Variants in CNKSR3 observed in about 807,000 individuals in gnomAD.
The protein encoded by CNKSR3 is connector enhancer of kinase suppressor of ras 3.
A neutral mutation model predicts 67.7 loss-of-function variants in CNKSR3; 36 were observed. The ratio of observed to expected loss-of-function variants is 0.53; its 90% CI spans 0.41 to 0.70. The LOEUF is 0.70. CNKSR3 is among the 30% of genes least tolerant of loss of function. CNKSR3 has a pLI of 0.00. For synonymous variants in CNKSR3, 281 were observed against 271.4 expected (o/e 1.04, Z -0.35); for missense variants, 630 against 695.2 (o/e 0.91, Z 1.05).
At chr6:154,493,845 G>T (rs1346819172) in intron 1 of CNKSR3, among the ~76,000 whole-genome samples, 2 of 152,022 alleles carry the variant, frequency 1.3e-5, no homozygotes, top group African/African-American at 4.8e-5. Context: ...ACACCTGGGG[G>T]ACATCTGCCC....
At chr6:154,462,500 C>T (rs1786101332) in intron 1 of CNKSR3, among the ~76,000 whole-genome samples, 1 of 152,198 alleles carries the variant, frequency 6.6e-6, no homozygotes, top group South Asian at 2.1e-4. Flanking sequence ...AACTTCAATG[C>T]TCTTCCCTTG....
At chr6:154,499,976 T>C (rs559539869) in intron 1 of CNKSR3, among the ~76,000 whole-genome samples, 99 of 152,328 alleles carry the variant, frequency 6.5e-4, no homozygotes, top group African/African-American at 2.2e-3. Context: ...TTTAAGGCTT[T>C]AGTGTACAGA....
intron 1 of CNKSR3, among the ~76,000 whole-genome samples, chr6:154,507,376 C>T (rs940287749): frequency 1.2e-4 from 18 of 152,126 alleles, no homozygotes; most frequent in African/African-American, 4.3e-4. Context: ...ATCGCCCTAC[C>T]CAGATTCATG....
chr6:154,422,854 T>C (rs528194959), intron 8 of CNKSR3, 61 bp downstream of exon 8: 5 of 1,382,318 alleles, frequency 3.6e-6, no homozygotes, highest in East Asian at 2.3e-5. Context: ...TTAAACAAAA[T>C]GGTTTTAGAT....
intron 1 of CNKSR3, among the ~76,000 whole-genome samples, chr6:154,471,533 C>T (rs1205210131): frequency 1.3e-5 from 2 of 152,096 alleles, no homozygotes; most frequent in Non-Finnish European, 2.9e-5. Context: ...AAGCAAGACT[C>T]CCTCTCAATA....
intron 1 of CNKSR3, among the ~76,000 whole-genome samples, chr6:154,506,666 G>A (rs890782767): frequency 2.0e-5 from 3 of 152,210 alleles, no homozygotes; most frequent in East Asian, 3.9e-4. Context: ...AGATGGCAGC[G>A]CCATGGAACC....
chr6:154,442,699 AAAAAC>A (rs1375649680), intron 2 of CNKSR3, among the ~76,000 whole-genome samples: 1 of 152,060 alleles, frequency 6.6e-6, no homozygotes, highest in Non-Finnish European at 1.5e-5. Context: ...GTCACTTGAA[AAAAAC>A]CTTACAACAA....
intron 5 of CNKSR3, among the ~76,000 whole-genome samples, chr6:154,431,625 C>T (rs1197721621): frequency 6.6e-6 from 1 of 151,852 alleles, no homozygotes; most frequent in Non-Finnish European, 1.5e-5. Context: ...GTTTCAGTGT[C>T]CTAAATATCC....
rs2351319 is a variant in CNKSR3, at chr6:154,480,674, C to T, written c.52+29389G>A. ...GCCCACTATCAAAGAAGTGACACTA[C>T]TGAACTATAAACATCAATTTTACAT... On this transcript the variant is annotated intron_variant, in intron 1 of 12. Coordinates refer to ENST00000607772, the MANE Select transcript of CNKSR3 (RefSeq NM_173515.4). 7.9e-3 allele frequency among the ~76,000 whole-genome samples: 1,207 copies of T among 152,316 alleles called. 17 individuals carry two copies. The highest frequency in any genetic ancestry group is 0.027 in the African/African-American group (1,136 of 41,562).
rs527465315 is a variant in CNKSR3 at position 154,420,081 on chromosome 6, T to TCAAAC, written c.945+2420_945+2424dup. Among the ~76,000 whole-genome samples the TCAAAC allele has an allele frequency of 3.1e-4, 47 of 151,878 alleles. 1 individual carries two copies. The East Asian group carries it at 8.1e-3, about 26-fold the overall frequency. On this transcript the variant is annotated intron_variant, in intron 9 of 12. Transcript: ENST00000607772. ...TGGGCAACGAGAGTGAAACTCCGTC[T>TCAAAC]CAAACCAAAACAAAACAAAAAAAGA... is the stretch of plus-strand genomic sequence containing the variant.
chr6:154,439,669 A>AT (rs1562333099), intron 4 of CNKSR3, among the ~76,000 whole-genome samples: 1 of 152,180 alleles, frequency 6.6e-6, no homozygotes. Flanking sequence ...AGGCAGGGGA[A>AT]TTACTCGAGG....
rs1171982876 is a variant in CNKSR3, at chr6:154,403,203, T to C, written c.*3151A>G. 1 of 151,570 alleles carries C rather than the reference T, an allele frequency of 6.6e-6. No homozygotes were observed. The highest frequency in any genetic ancestry group is 1.5e-5 in the Non-Finnish European group (1 of 67,930). 9.4% of individuals were successfully genotyped at this position (151,570 alleles called of 1,614,324 possible). Reference sequence around the variant, plus strand: ...TCTTGTAAAGTATCCTGTCAAGGAGTTCAAGATCAGCCTGGCCAACATGGT... The same window carrying C: ...TCTTGTAAAGTATCCTGTCAAGGAGCTCAAGATCAGCCTGGCCAACATGGT... On this transcript the variant is annotated 3_prime_UTR_variant, in exon 13 of 13. Transcript: ENST00000607772.
At chr6:154,442,612 ACT>A (rs1785623746) in intron 2 of CNKSR3, among the ~76,000 whole-genome samples, 3 of 151,976 alleles carry the variant, frequency 2.0e-5, no homozygotes, top group Non-Finnish European at 1.5e-5. Flanking sequence ...ACAGAGGGAG[ACT>A]CTGTTTCAAA....
chr6:154,465,373 G>A (rs562239352), intron 1 of CNKSR3, among the ~76,000 whole-genome samples: 4 of 152,110 alleles, frequency 2.6e-5, no homozygotes, highest in Non-Finnish European at 4.4e-5. Context: ...AAAATTACAC[G>A]TATAATTACA....
rs1456423960 is a variant in CNKSR3 at position 154,399,611 on chromosome 6, A to C, written c.*6743T>G. 1 of 152,044 alleles carries C rather than the reference A, an allele frequency of 6.6e-6. No individual in the cohort carries two copies. Among genetic ancestry groups the C allele is most frequent in the Non-Finnish European group, 1.5e-5 (1 of 68,012 alleles). 9.4% of individuals were successfully genotyped at this position (152,044 alleles called of 1,614,324 possible). ...AAATTCCCAAAAGTCAAAGGCTTCT[A>C]AATTCGCGCTAATTCCTCAAATCCC... On this transcript the variant is annotated 3_prime_UTR_variant, in exon 13 of 13. Transcript: ENST00000607772.
chr6:154,408,801 A>AT (rs753646141), intron 12 of CNKSR3, among the ~76,000 whole-genome samples: 7 of 152,196 alleles, frequency 4.6e-5, no homozygotes, highest in Non-Finnish European at 8.8e-5. Context: ...TAAAACTGTT[A>AT]TTTTTTTAAG....
chr6:154,484,440 T>C (rs1786624920), intron 1 of CNKSR3, among the ~76,000 whole-genome samples: 1 of 152,188 alleles, frequency 6.6e-6, no homozygotes, highest in Admixed American at 6.5e-5. Context: ...GCACAGTGGC[T>C]CACGCCTGTA....
In CNKSR3 at chr6:154,459,093, AAAAG is replaced by A. The variant is rs933696495; in HGVS notation, c.53-8839_53-8836del. Among the ~76,000 whole-genome samples the A allele has an allele frequency of 1.5e-3, 235 of 151,988 alleles. 1 individual carries two copies. The highest frequency in any genetic ancestry group is 4.6e-3 in the African/African-American group (192 of 41,396). On this transcript the variant is annotated intron_variant, in intron 1 of 12. Transcript: ENST00000607772. ...AAGAAAAAAAGAAAGAGAAAGAAGAAAAAGAAAGAGAGAAAGAAAGAAAGAGAAG... is the reference window on the plus strand; with the variant it reads ...AAGAAAAAAAGAAAGAGAAAGAAGAAAAAGAGAGAAAGAAAGAAAGAGAAG...
chr6:154,507,330 A>C (rs2114666229), intron 1 of CNKSR3, among the ~76,000 whole-genome samples: 1 of 152,320 alleles, frequency 6.6e-6, no homozygotes, highest in African/African-American at 2.4e-5. Context: ...CCAGGTTTAG[A>C]CAGTTTTAAA....
Sources: allele counts gnomAD v4.1 joint callset (sites outside exome capture counted in the v4.1 genomes callset), GRCh38; gene constraint gnomAD v4.1.1; transcripts MANE v1.5; gene names NCBI Gene and HGNC (gene_info 2026-07-23, HGNC 2026-07-21).